NAALADL2: variants seen among roughly 807,000 people sequenced by gnomAD.
The protein encoded by NAALADL2 is inactive N-acetylated-alpha-linked acidic dipeptidase-like protein 2.
In NAALADL2, 76 loss-of-function variants were observed where a neutral mutation model predicts 87.2. That is an observed-to-expected ratio of 0.87 (90% CI 0.72 to 1.05). The LOEUF is 1.05. Among genes scored for constraint, NAALADL2 ranks in the 50% least tolerant of loss-of-function variants. The pLI, the probability that NAALADL2 is intolerant of heterozygous loss-of-function variation, is 0.00. For synonymous variants in NAALADL2, 354 were observed against 331.0 expected, an observed-to-expected ratio of 1.07 and a Z score of -0.75; for missense variants, 1,089 against 945.8, an observed-to-expected ratio of 1.15 and a Z score of -1.99.
At chr3:175,174,315 T>C (rs1735347149) in intron 2 of NAALADL2, among the ~76,000 whole-genome samples, 1 of 152,168 alleles carries the variant, frequency 6.6e-6, no homozygotes, top group Non-Finnish European at 1.5e-5. Flanking sequence ...CGGCTTTTTA[T>C]ATGCCAAAAT....
intron 1 of NAALADL2, among the ~76,000 whole-genome samples, chr3:174,903,981 C>A (rs938202293): frequency 6.6e-6 from 1 of 151,066 alleles, no homozygotes; most frequent in Non-Finnish European, 1.5e-5. Flanking sequence ...ATATCTATAT[C>A]TATTTCTATA....
At chr3:175,675,556 T>C (rs963928648) in intron 11 of NAALADL2, 1 of 152,256 alleles carries the variant, frequency 6.6e-6, no homozygotes, top group African/African-American at 2.4e-5. Flanking sequence ...ATTTTAGAAC[T>C]GTGAGTAATT....
Position 175,174,420 on chromosome 3 carries a change from G to A in NAALADL2, c.546-59511G>A, listed in dbSNP as rs575211437. Among the ~76,000 whole-genome samples, 36 of 152,096 alleles carry A rather than the reference G, an allele frequency of 2.4e-4. No individual in the cohort carries two copies. In the South Asian group the frequency reaches 6.6e-3, roughly 28 times the overall value. ...GCAGCATTTTCATCTTATTTGAAAA[G>A]CAATATTTGTGCAATTATCTGAATA... On this transcript the variant is annotated intron_variant, in intron 2 of 13. Coordinates refer to ENST00000454872, the MANE Select transcript of NAALADL2 (RefSeq NM_207015.3).
chr3:175,168,914 A>G (rs1023308927), intron 2 of NAALADL2, among the ~76,000 whole-genome samples: 1 of 151,894 alleles, frequency 6.6e-6, no homozygotes, highest in African/African-American at 2.4e-5. Context: ...GTCCTCAAAT[A>G]AGATCAAACA....
intron 11 of NAALADL2, among the ~76,000 whole-genome samples, chr3:175,650,946 A>T (rs757049015): frequency 2.0e-4 from 31 of 152,328 alleles, no homozygotes; most frequent in Middle Eastern, 6.8e-3. Flanking sequence ...TATCGAAGTT[A>T]CATAACTTCT....
At chr3:174,925,217 A>G (rs1459356395) in intron 1 of NAALADL2, among the ~76,000 whole-genome samples, 1 of 152,050 alleles carries the variant, frequency 6.6e-6, no homozygotes, top group Non-Finnish European at 1.5e-5. Flanking sequence ...TAACATTTAA[A>G]TCTTTAATCC....
chr3:174,668,171 T>A (rs1207059888), intron 2 of NAALADL2, among the ~76,000 whole-genome samples: 7 of 152,136 alleles, frequency 4.6e-5, no homozygotes, highest in African/African-American at 1.7e-4. Flanking sequence ...TCTTCCTTTG[T>A]CTATTTAATT....
At chr3:175,002,929 A>C (rs1748437370) in intron 1 of NAALADL2, among the ~76,000 whole-genome samples, 1 of 152,186 alleles carries the variant, frequency 6.6e-6, no homozygotes, top group South Asian at 2.1e-4. Context: ...AAAACCTTGC[A>C]TCCTCACTCT....
At chr3:174,844,694 T>G (rs1189033269) in intron 3 of NAALADL2, among the ~76,000 whole-genome samples, 3 of 146,984 alleles carry the variant, frequency 2.0e-5, no homozygotes, top group African/African-American at 7.6e-5. Flanking sequence ...TAATTTTCAG[T>G]GGAGAGATCT....
chr3:175,632,833 A>G (rs938220360), intron 11 of NAALADL2, among the ~76,000 whole-genome samples: 3 of 152,128 alleles, frequency 2.0e-5, no homozygotes, highest in Admixed American at 2.0e-4. Context: ...AGTAGGGTCT[A>G]GAAATGCACT....
At chr3:175,564,933 A>G (rs565029989) in intron 9 of NAALADL2, among the ~76,000 whole-genome samples, 1 of 152,372 alleles carries the variant, frequency 6.6e-6, no homozygotes, top group South Asian at 2.1e-4. Flanking sequence ...TGGAGTGACC[A>G]ATATCAAACC....
chr3:175,155,148 T>A (rs539318281), intron 2 of NAALADL2, among the ~76,000 whole-genome samples: 3 of 152,114 alleles, frequency 2.0e-5, no homozygotes, highest in Non-Finnish European at 4.4e-5. Context: ...TGACAAAGCA[T>A]AGGATGCCTG....
chr3:174,999,378 T>C (rs1463814788), intron 1 of NAALADL2, among the ~76,000 whole-genome samples: 2 of 152,180 alleles, frequency 1.3e-5, no homozygotes, highest in Admixed American at 6.5e-5. Context: ...TTTTTAGAAT[T>C]GTCTTTCTGT....
intron 1 of NAALADL2, among the ~76,000 whole-genome samples, chr3:175,049,388 A>G (rs767249766): frequency 1.3e-5 from 2 of 152,188 alleles, no homozygotes; most frequent in Non-Finnish European, 2.9e-5. Context: ...AACTGAAACC[A>G]GGGAAAGTAA....
At chr3:174,706,715 C>G (rs560370614) in intron 2 of NAALADL2, among the ~76,000 whole-genome samples, 12 of 152,302 alleles carry the variant, frequency 7.9e-5, no homozygotes, top group African/African-American at 2.9e-4. Context: ...CTTGCCCATG[C>G]CTATACCCTA....
At chr3:175,540,855 T>G (rs112284560) in intron 9 of NAALADL2, among the ~76,000 whole-genome samples, 7 of 152,282 alleles carry the variant, frequency 4.6e-5, no homozygotes, top group African/African-American at 1.7e-4. Context: ...GTCATTTTAC[T>G]TCGATAATAT....
At chr3:174,497,927 A>G (rs979421769) in intron 1 of NAALADL2, among the ~76,000 whole-genome samples, 1 of 152,200 alleles carries the variant, frequency 6.6e-6, no homozygotes, top group African/African-American at 2.4e-5. Flanking sequence ...AAATATTTTC[A>G]GTACAAACAT....
intron 1 of NAALADL2, among the ~76,000 whole-genome samples, chr3:175,021,615 C>T (rs1751572565): frequency 1.3e-5 from 2 of 152,188 alleles, no homozygotes; most frequent in Admixed American, 6.6e-5. Context: ...AAGTCTTTTC[C>T]ACACAATCTT....
intron 1 of NAALADL2, among the ~76,000 whole-genome samples, chr3:174,533,546 T>G (rs1423865647): frequency 1.3e-5 from 2 of 151,638 alleles, no homozygotes; most frequent in African/African-American, 2.4e-5. Context: ...ATTTCTGAAA[T>G]TATTCTTATT....
Sources: allele counts gnomAD v4.1 joint callset (sites outside exome capture counted in the v4.1 genomes callset), GRCh38; gene constraint gnomAD v4.1.1; transcripts MANE v1.5; gene names NCBI Gene and HGNC (gene_info 2026-07-23, HGNC 2026-07-21).